The following SEC63 variants were observed in gnomAD, a reference collection of about 807,000 sequenced individuals.
SEC63 encodes the protein translocation protein SEC63 homolog.
Under a neutral mutation model 116.2 loss-of-function variants are expected in SEC63, and 56 were observed. That is an observed-to-expected ratio of 0.48 (90% CI 0.39 to 0.60). SEC63 has a LOEUF of 0.60. Among genes scored for constraint, SEC63 ranks in the 20% least tolerant of loss-of-function variants. SEC63 has a pLI of 0.00. For missense variants in SEC63, 668 were observed against 900.0 expected (o/e 0.74, Z 3.30); for synonymous variants, 273 against 294.6 (o/e 0.93, Z 0.75).
rs1786125717 is a variant in SEC63 at position 107,871,246 on chromosome 6, G to A, written c.*458C>T. 5.6e-6 allele frequency: 1 copy of A among 178,240 alleles called. No homozygotes were observed. Among genetic ancestry groups the A allele is most frequent in the African/African-American group, 2.4e-5 (1 of 41,818 alleles). The allele number at this position is 178,240 out of a possible 1,614,324, so 11.0% of individuals were successfully genotyped here. A position where few individuals can be genotyped will look rare whatever the true frequency, so the allele number is the denominator to read the frequency against. Reference sequence around the variant, plus strand: ...ATCACTGCAAAATGTCAACAACAGAGCTTATCAAGAGATTATCAACTTGAG... The same window carrying A: ...ATCACTGCAAAATGTCAACAACAGAACTTATCAAGAGATTATCAACTTGAG... On this transcript the variant is annotated 3_prime_UTR_variant, in exon 21 of 21. Transcript: ENST00000369002.
chr6:107,890,833 A>T (rs1786663525), intron 16 of SEC63, among the ~76,000 whole-genome samples: 1 of 152,168 alleles, frequency 6.6e-6, no homozygotes, highest in Non-Finnish European at 1.5e-5. Flanking sequence ...TATGAAGCCT[A>T]GTTTGGCTGG....
At position 107,945,778 on chromosome 6, in the gene SEC63, T is replaced by C. The variant is rs1289006323; in HGVS notation, c.124+12108A>G. ...TGTAATCACCTTCTTTATGTCTGAA[T>C]AAAAAGTATGATTAAGGGAACAGGC... is the stretch of plus-strand genomic sequence containing the variant. On this transcript the variant is annotated intron_variant, in intron 1 of 20. Transcript: ENST00000369002. Among the ~76,000 whole-genome samples the C allele has an allele frequency of 2.0e-5, 3 of 152,190 alleles. 1 individual carries two copies. The East Asian group carries it at 5.8e-4, about 29-fold the overall frequency.
chr6:107,885,937 C>A (rs1464722501), intron 16 of SEC63, among the ~76,000 whole-genome samples: 1 of 151,968 alleles, frequency 6.6e-6, no homozygotes, highest in Non-Finnish European at 1.5e-5. Context: ...TATACACATG[C>A]CATGGTGGTT....
At chr6:107,894,573 T>C (rs1786769973) in intron 14 of SEC63, among the ~76,000 whole-genome samples, 1 of 152,116 alleles carries the variant, frequency 6.6e-6, no homozygotes, top group South Asian at 2.1e-4. Context: ...ATACAATCCA[T>C]TTAGAATCAG....
chr6:107,887,361 A>G (rs1405012662), intron 16 of SEC63, among the ~76,000 whole-genome samples: 1 of 143,198 alleles, frequency 7.0e-6, no homozygotes, highest in Non-Finnish European at 1.5e-5. Context: ...ATGTCCAACA[A>G]TGATAGACTG....
At chr6:107,899,581 T>C (rs1220915915) in intron 13 of SEC63, among the ~76,000 whole-genome samples, 1 of 151,996 alleles carries the variant, frequency 6.6e-6, no homozygotes, top group African/African-American at 2.4e-5. Context: ...CTGGGCATGG[T>C]GGTGGCACAC....
intron 2 of SEC63, among the ~76,000 whole-genome samples, chr6:107,927,318 G>A (rs1011979870): frequency 8.6e-5 from 13 of 151,924 alleles, no homozygotes; most frequent in South Asian, 2.1e-4. Flanking sequence ...CGCCCACCTC[G>A]GCCTCCCAAA....
At chr6:107,908,894 G>T in intron 8 of SEC63, 33 bp downstream of exon 8, 2 of 1,268,046 alleles carry the variant, frequency 1.6e-6, no homozygotes, top group South Asian at 2.4e-5. Context: ...AAAACAATGT[G>T]ATTAATAGCA....
rs1253905179 is a variant in SEC63, at chr6:107,869,825, T to C, written c.*1879A>G. 1 of 148,872 alleles carries C rather than the reference T, an allele frequency of 6.7e-6. No individual in the cohort carries two copies. Among genetic ancestry groups the C allele is most frequent in the African/African-American group, 2.5e-5 (1 of 40,370 alleles). The allele number at this position is 148,872 out of a possible 1,614,324, so 9.2% of individuals were successfully genotyped here. A position where few individuals can be genotyped will look rare whatever the true frequency, so the allele number is the denominator to read the frequency against. ...CTGTGGTGTTACTAGGTTATCATCC[T>C]CTCCAGAATCTTAAAACCAGAGAAG... On this transcript the variant is annotated 3_prime_UTR_variant, in exon 21 of 21. Coordinates refer to ENST00000369002, the MANE Select transcript of SEC63 (RefSeq NM_007214.5).
Position 107,894,337 on chromosome 6 carries a change from T to A in SEC63, c.1441-440A>T, listed in dbSNP as rs79414483. On this transcript the variant is annotated intron_variant, in intron 14 of 20. Coordinates refer to ENST00000369002, the MANE Select transcript of SEC63 (RefSeq NM_007214.5). Reference sequence around the variant, plus strand: ...ACTAGTATTAGTTTATTCACTATTGTCAGTGATACTGCTTATTGGACCTGA... The same window carrying A: ...ACTAGTATTAGTTTATTCACTATTGACAGTGATACTGCTTATTGGACCTGA... Among the ~76,000 whole-genome samples the A allele has an allele frequency of 6.7e-3, 1,024 of 152,286 alleles. 15 individuals are homozygous for A. The highest frequency in any genetic ancestry group is 0.024 in the African/African-American group (994 of 41,550).
rs756298552 is a variant in SEC63, at chr6:107,958,014, C to T, written c.-5G>A. On this transcript the variant is annotated 5_prime_UTR_variant, in exon 1 of 21. It adds an upstream start codon to the 5' untranslated region. Coordinates refer to ENST00000369002, the MANE Select transcript of SEC63 (RefSeq NM_007214.5). The stretch of plus-strand genomic sequence containing the variant: ...CTGGAACTGCTGCCCGGCCATGGCA[C>T]CCCCTCCTCCGCCTCGCTCTTCTCA... The T allele has an allele frequency of 6.2e-7, 1 of 1,613,016 alleles. No homozygotes were observed. Among genetic ancestry groups the T allele is most frequent in the African/African-American group, 1.3e-5 (1 of 74,968 alleles).
chr6:107,947,336 G>A (rs899119695), intron 1 of SEC63, among the ~76,000 whole-genome samples: 1 of 151,744 alleles, frequency 6.6e-6, no homozygotes, highest in Admixed American at 6.6e-5. Context: ...ACTCACTATC[G>A]GACAAGAAGT....
intron 19 of SEC63, among the ~76,000 whole-genome samples, chr6:107,874,504 G>A (rs1270177403): frequency 6.6e-6 from 1 of 150,446 alleles, no homozygotes; most frequent in South Asian, 2.1e-4. Context: ...GCTGAGGCAG[G>A]AGAATGGCGT....
intron 1 of SEC63, among the ~76,000 whole-genome samples, chr6:107,942,523 T>C (rs1770399148): frequency 6.6e-6 from 1 of 152,042 alleles, no homozygotes; most frequent in African/African-American, 2.4e-5. Context: ...ACTGAGGATA[T>C]AGAAAAAAAA....
intron 16 of SEC63, among the ~76,000 whole-genome samples, chr6:107,886,844 G>GTT (rs1562316146): frequency 2.8e-5 from 4 of 140,536 alleles, no homozygotes; most frequent in African/African-American, 8.3e-5. Context: ...TGTTTTTTTG[G>GTT]GTTTTTTTTT....
intron 17 of SEC63, among the ~76,000 whole-genome samples, 175 bp from the exon 18 acceptor site, chr6:107,881,425 A>C (rs191156778): frequency 6.6e-6 from 1 of 152,100 alleles, no homozygotes; most frequent in African/African-American, 2.4e-5. Context: ...AAATATATTA[A>C]ATCTAACCAC....
intron 13 of SEC63, among the ~76,000 whole-genome samples, chr6:107,899,099 CCTG>C (rs1483307399): frequency 6.6e-6 from 1 of 152,158 alleles, no homozygotes; most frequent in Non-Finnish European, 1.5e-5. Flanking sequence ...TGAATGCTGA[CCTG>C]CTGTTTGGTG....
At chr6:107,918,433 A>C (rs1280111512) in intron 4 of SEC63, among the ~76,000 whole-genome samples, 1 of 152,180 alleles carries the variant, frequency 6.6e-6, no homozygotes, top group Non-Finnish European at 1.5e-5. Context: ...AGAAATAGTA[A>C]GACTTGCACT....
chr6:107,878,056 C>T (rs1294670527), intron 18 of SEC63, among the ~76,000 whole-genome samples: 4 of 152,174 alleles, frequency 2.6e-5, no homozygotes, highest in Non-Finnish European at 4.4e-5. Flanking sequence ...ACCTCTGTTG[C>T]GGCCACTCAA....
Sources: gnomAD v4.1 joint callset for allele counts (sites outside exome capture counted in the v4.1 genomes callset) on GRCh38, gnomAD v4.1.1 for gene constraint, MANE v1.5 for transcripts, NCBI Gene and HGNC (gene_info 2026-07-23, HGNC 2026-07-21) for gene names.